SLC6A20: variants seen among roughly 807,000 people sequenced by gnomAD.
SLC6A20 encodes the protein solute carrier family 6 member 20.
A neutral mutation model predicts 64.3 loss-of-function variants in SLC6A20; 73 were observed. The observed-to-expected ratio is 1.14, with a 90% CI of 0.94 to 1.38. The LOEUF (loss-of-function observed/expected upper bound fraction) is 1.38. SLC6A20 is among the 40% of genes most tolerant of loss of function. The pLI is 0.00. For synonymous variants in SLC6A20, 347 were observed against 329.6 expected, an observed-to-expected ratio of 1.05 and a Z score of -0.57; for missense variants, 725 against 772.8, an observed-to-expected ratio of 0.94 and a Z score of 0.73.
rs1699558837 is a variant in SLC6A20 at position 45,757,087 on chromosome 3, G to C, written c.*1891C>G. The C allele has an allele frequency of 6.6e-6, 1 of 152,096 alleles. No individual in the cohort carries two copies. The highest frequency in any genetic ancestry group is 6.5e-5 in the Admixed American group (1 of 15,276). The allele number at this position is 152,096 out of a possible 1,614,324, so 9.4% of individuals were successfully genotyped here. A position where few individuals can be genotyped will look rare whatever the true frequency, so the allele number is the denominator to read the frequency against. ...TGTTTCTCTTTACCCAAACATCTCA[G>C]TGTAGCAAGGAGTAACAGAGCAGTA... On this transcript the variant is annotated 3_prime_UTR_variant, in exon 11 of 11. Transcript: ENST00000358525.
chr3:45,775,922 T>C lies in SLC6A20; in HGVS notation c.421A>G (p.Lys141Glu), dbSNP rs139429025. The stretch of plus-strand genomic sequence containing the variant: ...CAGAAGTACTGTGTGGAGGACGCCT[T>C]CTCACACTCCTCATCGTAGCCCGTG... ...NHTGYDEECE[K>E]ASSTQYFWYR... Residue 141 changes from lysine to glutamate, a missense_variant, in exon 4 of 11, where the codon AAG (lysine) becomes GAG (glutamate). By Grantham distance (56) the Lys-to-Glu change is moderately conservative. Coordinates refer to ENST00000358525, the MANE Select transcript of SLC6A20 (RefSeq NM_020208.4). The C allele has an allele frequency of 5.1e-4, 825 of 1,614,196 alleles. 5 individuals carry two copies. The African/African-American group carries it at 9.6e-3, about 19-fold the overall frequency.
chr3:45,762,930 G>C lies in SLC6A20; in HGVS notation c.1446C>G (p.Tyr482Ter). The change falls in exon 9 of 11, where the codon TAC becomes TAG. Residue 482 changes from tyrosine (Y) to a stop codon, truncating the protein, a stop_gained. Transcript: ENST00000358525. LOFTEE classifies it high-confidence loss of function. ...IVLVETIAVC[Y>*]VYGLRRFESD... ...CTCCTCACCTCCTCAGCCCGTACAC[G>C]TAGCACACGGCAATCGTCTCCACCA... 7.4e-6 allele frequency: 12 copies of C among 1,614,158 alleles called. No individual in the cohort carries two copies. Among genetic ancestry groups the C allele is most frequent in the Non-Finnish European group, 1.0e-5 (12 of 1,180,044 alleles).
At chr3:45,780,607 G>GGT (rs1219364013) in intron 2 of SLC6A20, among the ~76,000 whole-genome samples, 1 of 152,210 alleles carries the variant, frequency 6.6e-6, no homozygotes, top group Non-Finnish European at 1.5e-5. Context: ...CAGGAGAGGG[G>GGT]GTGTGAGGAG....
In SLC6A20 at chr3:45,756,478, G is replaced by C. The variant is rs1167785387; in HGVS notation, c.*2500C>G. ...GGGGTACATGCTGGTTCATACATTT[G>C]AAAGTCAAATGTATGATAACTGGAC... is the stretch of plus-strand genomic sequence containing the variant. On this transcript the variant is annotated 3_prime_UTR_variant, in exon 11 of 11. Transcript: ENST00000358525. The C allele has an allele frequency of 3.9e-5, 6 of 152,234 alleles. No homozygotes were observed. The highest frequency in any genetic ancestry group is 8.8e-5 in the Non-Finnish European group (6 of 68,050). 9.4% of individuals were successfully genotyped at this position (152,234 alleles called of 1,614,324 possible).
At chr3:45,792,032 A>G (rs1239384150) in intron 1 of SLC6A20, among the ~76,000 whole-genome samples, 1 of 152,182 alleles carries the variant, frequency 6.6e-6, no homozygotes, top group Non-Finnish European at 1.5e-5. Context: ...GGAAGATGCC[A>G]AACATTTTGA....
At chr3:45,763,859 C>A (rs1259479222) in intron 8 of SLC6A20, among the ~76,000 whole-genome samples, 1 of 152,210 alleles carries the variant, frequency 6.6e-6, no homozygotes, top group Non-Finnish European at 1.5e-5. Flanking sequence ...CGTACACTGC[C>A]AGCTACCGAG....
At chr3:45,783,673 G>A (rs955423099) in intron 1 of SLC6A20, among the ~76,000 whole-genome samples, 5 of 152,236 alleles carry the variant, frequency 3.3e-5, no homozygotes, top group African/African-American at 1.2e-4. Context: ...CTGGGGCAAA[G>A]ACCAGGCAGA....
At position 45,782,083 on chromosome 3, in the gene SLC6A20, C is replaced by T. The variant is rs749307831; in HGVS notation, c.262G>A (p.Gly88Arg). 1.7e-5 allele frequency: 28 copies of T among 1,603,644 alleles called. No homozygotes were observed. The highest frequency in any genetic ancestry group is 4.5e-5 in the East Asian group (2 of 44,554). ...AGAGGACTGGAGGGGCCCCACGTAC[C>T]GACACCACTGAGGTACGGGCTGATG... ...RTISPYLSGV[G>R]VASVVVSFFL... Residue 88 changes from glycine to arginine, a missense_variant and splice_region_variant, in exon 2 of 11, where the codon GGG becomes AGG. Coordinates refer to ENST00000358525, the MANE Select transcript of SLC6A20 (RefSeq NM_020208.4).
Position 45,772,545 on chromosome 3 carries a change from TG to T in SLC6A20, c.652del (p.His218ThrfsTer15). The T allele has an allele frequency of 6.2e-7, 1 of 1,613,982 alleles. No individual in the cohort carries two copies. The highest frequency in any genetic ancestry group is 8.5e-7 in the Non-Finnish European group (1 of 1,179,950). ...IIYLIRGLTL[H>X]GATNGLMYMF... is the part of the protein sequence containing the mutation. Reference sequence around the variant, plus strand: ...GTACATGAGGCCATTGGTGGCTCCGTGGAGCGTGAGGCCCCTGATGAGGTAG... The same window carrying T: ...GTACATGAGGCCATTGGTGGCTCCGTGAGCGTGAGGCCCCTGATGAGGTAG... On this transcript the variant is annotated frameshift_variant, in exon 5 of 11. Coordinates refer to ENST00000358525, the MANE Select transcript of SLC6A20 (RefSeq NM_020208.4). LOFTEE classifies it high-confidence loss of function.
intron 1 of SLC6A20, among the ~76,000 whole-genome samples, chr3:45,793,379 CA>C (rs774211189): frequency 6.6e-6 from 1 of 152,270 alleles, no homozygotes; most frequent in Non-Finnish European, 1.5e-5. Flanking sequence ...CACACACTTG[CA>C]TCCCCGATTT....
intron 1 of SLC6A20, among the ~76,000 whole-genome samples, chr3:45,783,474 G>A (rs550460979): frequency 6.6e-6 from 1 of 152,322 alleles, no homozygotes; most frequent in South Asian, 2.1e-4. Flanking sequence ...CCCAATCACA[G>A]ACCTTTGCAT....
chr3:45,784,888 G>C (rs1345172527), intron 1 of SLC6A20, among the ~76,000 whole-genome samples: 1 of 152,100 alleles, frequency 6.6e-6, no homozygotes, highest in Non-Finnish European at 1.5e-5. Flanking sequence ...AGGGAGCAAA[G>C]GGAGCAAGAG....
rs1214272890 is a variant in SLC6A20, at chr3:45,796,279, G to C, written c.121+20C>G. The stretch of plus-strand genomic sequence containing the variant: ...ACGCGCACAGAGTTGGGCTGGGGCC[G>C]GGGCGCGGTGGGCACTCACCTCCGC... On this transcript the variant is annotated intron_variant, in intron 1 of 10. Coordinates refer to ENST00000358525, the MANE Select transcript of SLC6A20 (RefSeq NM_020208.4). 1 of 1,587,038 alleles carries C rather than the reference G, an allele frequency of 6.3e-7. No individual in the cohort carries two copies.
At chr3:45,768,571 G>A (rs1699811300) in intron 7 of SLC6A20, among the ~76,000 whole-genome samples, 1 of 152,320 alleles carries the variant, frequency 6.6e-6, no homozygotes, top group Non-Finnish European at 1.5e-5. Context: ...GCCTGCCTGG[G>A]GAAGCAGGCT....
At chr3:45,787,882 T>C (rs1224190224) in intron 1 of SLC6A20, among the ~76,000 whole-genome samples, 2 of 152,222 alleles carry the variant, frequency 1.3e-5, no homozygotes, top group African/African-American at 4.8e-5. Context: ...TATAGCGTAA[T>C]GCTTGGGCTT....
chr3:45,779,695 G>T (rs1016144226), intron 3 of SLC6A20, among the ~76,000 whole-genome samples: 1 of 152,220 alleles, frequency 6.6e-6, no homozygotes, highest in Non-Finnish European at 1.5e-5. Context: ...CTGTGCAGTA[G>T]TTCTTAATAG....
chr3:45,794,075 C>T (rs1700301545), intron 1 of SLC6A20, among the ~76,000 whole-genome samples: 1 of 152,166 alleles, frequency 6.6e-6, no homozygotes. Context: ...TGACCAAGTG[C>T]TTATGTGGCC....
intron 1 of SLC6A20, among the ~76,000 whole-genome samples, chr3:45,785,068 A>T (rs1700149489): frequency 6.6e-6 from 1 of 152,220 alleles, no homozygotes; most frequent in African/African-American, 2.4e-5. Context: ...TAAGTTTTCA[A>T]CACATGAGCT....
chr3:45,782,345 C>T (rs1339477459), intron 1 of SLC6A20, 122 bp from the exon 2 acceptor site: 2 of 1,325,012 alleles, frequency 1.5e-6, no homozygotes, highest in African/African-American at 3.0e-5. Flanking sequence ...CATTCTCCTA[C>T]CTTTCCATCA....
Sources: allele counts gnomAD v4.1 joint callset (sites outside exome capture counted in the v4.1 genomes callset), GRCh38; gene constraint gnomAD v4.1.1; transcripts MANE v1.5; gene names NCBI Gene and HGNC (gene_info 2026-07-23, HGNC 2026-07-21).